The following GRIP1 variants were observed in gnomAD, a reference collection of about 807,000 sequenced individuals.
GRIP1 encodes the protein glutamate receptor interacting protein 1.
GRIP1 carries 45 observed loss-of-function variants against 129.9 expected under a neutral mutation model. The ratio of observed to expected loss-of-function variants is 0.35; its 90% CI spans 0.27 to 0.44. The LOEUF is 0.44. GRIP1 is among the 20% of genes least tolerant of loss of function. The pLI, the probability that GRIP1 is intolerant of heterozygous loss-of-function variation, is 1.00. For synonymous variants in GRIP1, 530 were observed against 520.8 expected, an observed-to-expected ratio of 1.02 and a Z score of -0.24; for missense variants, 1,196 against 1,396.8, an observed-to-expected ratio of 0.86 and a Z score of 2.29.
At chr12:66,501,656 C>T (rs1262720071) in intron 7 of GRIP1, among the ~76,000 whole-genome samples, 3 of 152,120 alleles carry the variant, frequency 2.0e-5, no homozygotes, top group Admixed American at 2.0e-4. Context: ...AAACTCATCA[C>T]ACAAAGAGAG....
At chr12:66,773,063 G>A (rs546749289) in intron 1 of GRIP1, among the ~76,000 whole-genome samples, 1 of 152,336 alleles carries the variant, frequency 6.6e-6, no homozygotes, top group South Asian at 2.1e-4. Context: ...CAATTCTTCA[G>A]TGATGGGTAG....
intron 1 of GRIP1, among the ~76,000 whole-genome samples, chr12:67,053,356 T>A (rs1244698112): frequency 6.6e-6 from 1 of 152,246 alleles, no homozygotes; most frequent in Non-Finnish European, 1.5e-5. Context: ...AAACTCATTT[T>A]ATCCCATTTA....
chr12:67,055,842 G>A (rs1373203251), intron 1 of GRIP1, among the ~76,000 whole-genome samples: 1 of 152,190 alleles, frequency 6.6e-6, no homozygotes, highest in Non-Finnish European at 1.5e-5. Flanking sequence ...GGTCTGGGGT[G>A]TGTCTACAGA....
intron 2 of GRIP1, among the ~76,000 whole-genome samples, chr12:66,594,067 CAAA>C (rs10661389): frequency 9.4e-5 from 5 of 52,926 alleles, no homozygotes; most frequent in Non-Finnish European, 9.4e-5. Flanking sequence ...GACTCCGTCT[CAAA>C]AAAAAAAAAA....
intron 1 of GRIP1, among the ~76,000 whole-genome samples, chr12:66,878,951 A>G (rs2040427798): frequency 6.6e-6 from 1 of 152,024 alleles, no homozygotes; most frequent in Non-Finnish European, 1.5e-5. Context: ...ACTTACAGAA[A>G]CAGAGACAAT....
Position 66,523,422 on chromosome 12 carries a change from C to T in GRIP1, c.503-5446G>A, listed in dbSNP as rs376113912. 1.5e-3 allele frequency among the ~76,000 whole-genome samples: 221 copies of T among 148,692 alleles called. 3 individuals are homozygous for T. The East Asian group carries it at 0.027, about 18-fold the overall frequency. On this transcript the variant is annotated intron_variant, in intron 5 of 24. Coordinates refer to ENST00000359742, the MANE Select transcript of GRIP1 (RefSeq NM_001366722.1). ...TTTCAACCCAGAATTTCATATCCAGCCAAACTAAGCTTCATAAGTGAAGGA... is the reference window on the plus strand; with the variant it reads ...TTTCAACCCAGAATTTCATATCCAGTCAAACTAAGCTTCATAAGTGAAGGA...
chr12:66,623,134 A>G (rs965992791), intron 1 of GRIP1, among the ~76,000 whole-genome samples: 1 of 152,170 alleles, frequency 6.6e-6, no homozygotes, highest in South Asian at 2.1e-4. Context: ...AGCCTTGCCA[A>G]AAGTTTTCTG....
At chr12:66,625,171 CAG>C (rs1338240523) in intron 1 of GRIP1, among the ~76,000 whole-genome samples, 1 of 152,026 alleles carries the variant, frequency 6.6e-6, no homozygotes. Flanking sequence ...TTCAAGTGAC[CAG>C]ATGGGCTGCC....
At chr12:66,653,764 T>C (rs536445998) in intron 1 of GRIP1, among the ~76,000 whole-genome samples, 10 of 152,318 alleles carry the variant, frequency 6.6e-5, no homozygotes, top group Non-Finnish European at 1.3e-4. Context: ...CACATAGCAA[T>C]GAAATTTAAA....
chr12:66,551,379 G>T (rs1441278358), intron 2 of GRIP1, among the ~76,000 whole-genome samples: 3 of 152,168 alleles, frequency 2.0e-5, no homozygotes, highest in Middle Eastern at 3.2e-3. Flanking sequence ...TCCTCTATAG[G>T]CTACAGATGG....
At chr12:66,657,209 A>T (rs2033209883) in intron 1 of GRIP1, among the ~76,000 whole-genome samples, 2 of 152,168 alleles carry the variant, frequency 1.3e-5, no homozygotes, top group South Asian at 4.1e-4. Flanking sequence ...AATCAAGGAT[A>T]CTCATCAGCA....
chr12:66,646,435 C>A (rs1445564659), intron 1 of GRIP1, among the ~76,000 whole-genome samples: 1 of 152,132 alleles, frequency 6.6e-6, no homozygotes, highest in Non-Finnish European at 1.5e-5. Flanking sequence ...ACCAGCCTGG[C>A]CAACATGGCA....
intron 1 of GRIP1, among the ~76,000 whole-genome samples, chr12:66,781,344 A>C (rs2038153060): frequency 6.6e-6 from 1 of 152,314 alleles, no homozygotes; most frequent in Admixed American, 6.5e-5. Context: ...CAAATGAAGC[A>C]GTGAGGCTTA....
intron 1 of GRIP1, among the ~76,000 whole-genome samples, chr12:66,835,250 GC>G (rs1487643057): frequency 1.3e-5 from 2 of 152,104 alleles, no homozygotes; most frequent in African/African-American, 4.8e-5. Context: ...ATATAGTATA[GC>G]CATTCTGGAA....
At chr12:66,557,710 G>C (rs1310842044) in intron 2 of GRIP1, among the ~76,000 whole-genome samples, 1 of 152,134 alleles carries the variant, frequency 6.6e-6, no homozygotes, top group Non-Finnish European at 1.5e-5. Context: ...GTATGCTCCT[G>C]AATGACCAAT....
intron 1 of GRIP1, among the ~76,000 whole-genome samples, chr12:66,827,982 T>C (rs927071505): frequency 2.6e-5 from 4 of 152,230 alleles, no homozygotes; most frequent in African/African-American, 7.2e-5. Flanking sequence ...CTTTCCATGG[T>C]TCTTTCACTG....
At chr12:66,871,913 T>C (rs1218906964) in intron 1 of GRIP1, among the ~76,000 whole-genome samples, 1 of 152,108 alleles carries the variant, frequency 6.6e-6, no homozygotes, top group South Asian at 2.1e-4. Flanking sequence ...CTCTATCAGC[T>C]GACTCTAGTT....
intron 1 of GRIP1, among the ~76,000 whole-genome samples, chr12:66,965,034 C>T (rs1445118349): frequency 2.0e-5 from 3 of 152,082 alleles, no homozygotes; most frequent in Admixed American, 2.0e-4. Flanking sequence ...TTTAAAGACC[C>T]TGTCTTCAAA....
At chr12:66,980,505 G>A (rs2042228141) in intron 1 of GRIP1, among the ~76,000 whole-genome samples, 1 of 152,146 alleles carries the variant, frequency 6.6e-6, no homozygotes, top group East Asian at 1.9e-4. Context: ...CAGCTACTTG[G>A]GAGGCTGAGG....
Sources: allele counts gnomAD v4.1 joint callset (sites outside exome capture counted in the v4.1 genomes callset), GRCh38; gene constraint gnomAD v4.1.1; transcripts MANE v1.5; gene names NCBI Gene and HGNC (gene_info 2026-07-23, HGNC 2026-07-21).